SOX5: variants seen among roughly 807,000 people sequenced by gnomAD.
The protein encoded by SOX5 is SRY-box transcription factor 5, also known as transcription factor SOX-5.
SOX5 carries 9 observed loss-of-function variants against 92.0 expected under a neutral mutation model. That is an observed-to-expected ratio of 0.10 (90% CI 0.06 to 0.17). SOX5 has a LOEUF of 0.17. Ranked by LOEUF, SOX5 falls within the 10% of genes least tolerant of loss-of-function variation. SOX5 has a pLI of 1.00. For synonymous variants in SOX5, 344 were observed against 336.3 expected, an observed-to-expected ratio of 1.02 and a Z score of -0.25; for missense variants, 642 against 944.5, an observed-to-expected ratio of 0.68 and a Z score of 4.20.
intron 4 of SOX5, among the ~76,000 whole-genome samples, chr12:24,115,724 T>C (rs1489501094): frequency 6.6e-6 from 1 of 152,228 alleles, no homozygotes; most frequent in Non-Finnish European, 1.5e-5. Flanking sequence ...AAAAAGGTTA[T>C]ATATACACTA....
chr12:23,717,833 G>A (rs747121246), intron 6 of SOX5, among the ~76,000 whole-genome samples: 1 of 152,188 alleles, frequency 6.6e-6, no homozygotes, highest in Non-Finnish European at 1.5e-5. Context: ...GTACTGCAAA[G>A]AGAAAAGTTT....
chr12:24,188,602 A>G (rs918205934), intron 4 of SOX5, among the ~76,000 whole-genome samples: 7 of 152,240 alleles, frequency 4.6e-5, no homozygotes, highest in Non-Finnish European at 1.0e-4. Flanking sequence ...GAAATAAAAA[A>G]AACAGTAGAA....
intron 3 of SOX5, among the ~76,000 whole-genome samples, chr12:24,223,527 G>T (rs1961042267): frequency 6.6e-6 from 1 of 152,176 alleles, no homozygotes; most frequent in African/African-American, 2.4e-5. Flanking sequence ...TCCAAGGCAG[G>T]AGGATTGCTT....
At chr12:24,135,680 G>A (rs192936056) in intron 4 of SOX5, among the ~76,000 whole-genome samples, 26 of 152,312 alleles carry the variant, frequency 1.7e-4, no homozygotes, top group Non-Finnish European at 3.1e-4. Flanking sequence ...ATGTTCAGAG[G>A]ATGGAGGGAT....
chr12:23,551,468 G>A (rs912528563), intron 11 of SOX5, among the ~76,000 whole-genome samples: 14 of 151,742 alleles, frequency 9.2e-5, no homozygotes, highest in Non-Finnish European at 1.8e-4. Context: ...TTTCTTGTAA[G>A]TTATGTATAA....
At chr12:23,936,658 C>T (rs963570823) in intron 1 of SOX5, among the ~76,000 whole-genome samples, 1 of 150,704 alleles carries the variant, frequency 6.6e-6, no homozygotes, top group Non-Finnish European at 1.5e-5. Flanking sequence ...TAAAGCAGCA[C>T]CATCCAATAG....
At chr12:24,153,767 A>G (rs1951888816) in intron 4 of SOX5, among the ~76,000 whole-genome samples, 1 of 152,092 alleles carries the variant, frequency 6.6e-6, no homozygotes, top group Non-Finnish European at 1.5e-5. Context: ...ATTCTTACCA[A>G]AGAGATGATC....
At chr12:24,494,481 T>C (rs1170236180) in intron 1 of SOX5, among the ~76,000 whole-genome samples, 1 of 152,358 alleles carries the variant, frequency 6.6e-6, no homozygotes, top group South Asian at 2.1e-4. Flanking sequence ...TAGTTTATTA[T>C]TATCATAGTT....
intron 4 of SOX5, among the ~76,000 whole-genome samples, chr12:24,166,353 A>C (rs1221343929): frequency 6.6e-6 from 1 of 152,118 alleles, no homozygotes; most frequent in African/African-American, 2.4e-5. Context: ...GAATATACAG[A>C]CCTCCCGTTC....
chr12:23,751,877 C>T (rs1176032228), intron 4 of SOX5, among the ~76,000 whole-genome samples: 1 of 151,864 alleles, frequency 6.6e-6, no homozygotes, highest in African/African-American at 2.4e-5. Context: ...TGAATTAATG[C>T]ACCGTGACCA....
intron 1 of SOX5, among the ~76,000 whole-genome samples, chr12:24,551,292 T>C (rs1364693751): frequency 6.6e-6 from 1 of 152,202 alleles, no homozygotes; most frequent in Non-Finnish European, 1.5e-5. Context: ...CGCTGGTGGA[T>C]TTTCATAACA....
At chr12:23,821,354 A>G (rs1025202879) in intron 3 of SOX5, among the ~76,000 whole-genome samples, 1 of 152,208 alleles carries the variant, frequency 6.6e-6, no homozygotes, top group Admixed American at 6.5e-5. Context: ...TAAATATACA[A>G]TCATGCAATC....
chr12:23,875,286 T>TA (rs71059940), intron 2 of SOX5, among the ~76,000 whole-genome samples: 104,545 of 151,954 alleles, frequency 0.69, 36,097 homozygotes, highest in East Asian at 0.88. Flanking sequence ...TTAAACTTGC[T>TA]AAAAAAATTC....
At chr12:23,612,855 G>A (rs1370678498) in intron 8 of SOX5, among the ~76,000 whole-genome samples, 1 of 152,146 alleles carries the variant, frequency 6.6e-6, no homozygotes, top group African/African-American at 2.4e-5. Flanking sequence ...GGCTCCATAA[G>A]TGTTATCTTT....
intron 14 of SOX5, among the ~76,000 whole-genome samples, chr12:23,535,064 G>T (rs901747226): frequency 6.6e-6 from 1 of 152,114 alleles, no homozygotes; most frequent in Non-Finnish European, 1.5e-5. Context: ...GACATGTGTT[G>T]TCCATCTTAT....
intron 4 of SOX5, among the ~76,000 whole-genome samples, chr12:24,145,985 A>G (rs113794770): frequency 6.6e-6 from 1 of 152,354 alleles, no homozygotes; most frequent in East Asian, 1.9e-4. Context: ...TGCAAAATAC[A>G]TGAAGCAAAA....
At chr12:23,789,618 A>G (rs370396964) in intron 3 of SOX5, among the ~76,000 whole-genome samples, 122 of 152,280 alleles carry the variant, frequency 8.0e-4, no homozygotes, top group African/African-American at 2.7e-3. Context: ...GCTACCATTA[A>G]AATTCTCAGG....
At chr12:23,550,452 T>C (rs1943976629) in intron 11 of SOX5, among the ~76,000 whole-genome samples, 1 of 151,968 alleles carries the variant, frequency 6.6e-6, no homozygotes, top group Admixed American at 6.6e-5. Flanking sequence ...ATACTTTTAA[T>C]ATTATTTTTA....
chr12:24,134,769 G>A (rs1949965711), intron 4 of SOX5, among the ~76,000 whole-genome samples: 1 of 152,146 alleles, frequency 6.6e-6, no homozygotes, highest in African/African-American at 2.4e-5. Context: ...CAAAGGAAAA[G>A]TAAAAATAAG....
Sources: gnomAD v4.1 joint callset for allele counts (sites outside exome capture counted in the v4.1 genomes callset) on GRCh38, gnomAD v4.1.1 for gene constraint, MANE v1.5 for transcripts, NCBI Gene and HGNC (gene_info 2026-07-23, HGNC 2026-07-21) for gene names.